Variants in SH3GLB1 observed in about 807,000 individuals in gnomAD.
The protein encoded by SH3GLB1 is SH3 domain containing GRB2 like, endophilin B1.
SH3GLB1 carries 17 observed loss-of-function variants against 42.0 expected under a neutral mutation model. The observed-to-expected ratio is 0.40, with a 90% CI of 0.28 to 0.61. The LOEUF (loss-of-function observed/expected upper bound fraction) is 0.61. Among genes scored for constraint, SH3GLB1 ranks in the 20% least tolerant of loss-of-function variants. SH3GLB1 has a pLI of 0.36. For synonymous variants in SH3GLB1, 132 were observed against 146.6 expected, an observed-to-expected ratio of 0.90 and a Z score of 0.72; for missense variants, 355 against 426.3, an observed-to-expected ratio of 0.83 and a Z score of 1.47.
At chr1:86,721,389 A>G (rs1318805087) in intron 3 of SH3GLB1, among the ~76,000 whole-genome samples, 1 of 152,192 alleles carries the variant, frequency 6.6e-6, no homozygotes, top group African/African-American at 2.4e-5. Flanking sequence ...CACAGCTAGT[A>G]TAGTAATTCA....
chr1:86,717,362 C>T (rs1054176148), intron 2 of SH3GLB1, among the ~76,000 whole-genome samples: 2 of 151,994 alleles, frequency 1.3e-5, no homozygotes, highest in Non-Finnish European at 2.9e-5. Flanking sequence ...CTGTTTTGTG[C>T]CAGGAAGTCG....
chr1:86,712,157 C>T (rs185379390), intron 1 of SH3GLB1, among the ~76,000 whole-genome samples: 14 of 152,086 alleles, frequency 9.2e-5, no homozygotes, highest in Middle Eastern at 3.4e-3. Context: ...AATATGATAG[C>T]ATTAGCAATG....
At chr1:86,722,436 T>C (rs1570264199) in intron 3 of SH3GLB1, 104 bp from the exon 4 acceptor site, 2 of 1,012,864 alleles carry the variant, frequency 2.0e-6, no homozygotes, top group Non-Finnish European at 2.8e-6. Context: ...AGCAAGCAAG[T>C]TACAGCTAAC....
In SH3GLB1 at chr1:86,743,347, A is replaced by C. The variant is rs1570305651; in HGVS notation, c.*112A>C. On this transcript the variant is annotated 3_prime_UTR_variant, in exon 9 of 9. Coordinates refer to ENST00000370558, the MANE Select transcript of SH3GLB1 (RefSeq NM_016009.5). ...GTTAATGTGTTAAGAGACTGAAAAT[A>C]CCAGCCATCAGAAACTGGCCTTTCT... The C allele has an allele frequency of 5.2e-6, 3 of 573,370 alleles. No individual in the cohort carries two copies. The allele number at this position is 573,370 out of a possible 1,614,324, so 35.5% of individuals were successfully genotyped here. A position where few individuals can be genotyped will look rare whatever the true frequency, so the allele number is the denominator to read the frequency against.
chr1:86,708,934 C>T (rs557646397), intron 1 of SH3GLB1, among the ~76,000 whole-genome samples: 1 of 152,206 alleles, frequency 6.6e-6, no homozygotes, highest in African/African-American at 2.4e-5. Context: ...TCCTGTCTGC[C>T]TATTCTTTCC....
chr1:86,710,328 G>A (rs1185621890), intron 1 of SH3GLB1, among the ~76,000 whole-genome samples: 5 of 150,988 alleles, frequency 3.3e-5, no homozygotes, highest in Admixed American at 2.0e-4. Flanking sequence ...GCAGTGGCAC[G>A]ATCTTGGCTC....
intron 1 of SH3GLB1, among the ~76,000 whole-genome samples, chr1:86,711,436 C>T: frequency 6.6e-6 from 1 of 151,972 alleles, no homozygotes; most frequent in East Asian, 1.9e-4. Flanking sequence ...TGCCATATTA[C>T]AAATGAAATA....
intron 5 of SH3GLB1, among the ~76,000 whole-genome samples, chr1:86,729,425 C>T (rs1655387421): frequency 6.6e-6 from 1 of 151,732 alleles, no homozygotes; most frequent in African/African-American, 2.4e-5. Flanking sequence ...TAGGGCTTAC[C>T]TTAGATAGCA....
At chr1:86,710,053 A>G (rs191822453) in intron 1 of SH3GLB1, among the ~76,000 whole-genome samples, 60 of 152,276 alleles carry the variant, frequency 3.9e-4, no homozygotes, top group African/African-American at 1.4e-3. Context: ...TCACATTCGA[A>G]ATCCATACAT....
In SH3GLB1 at chr1:86,747,240, A is replaced by T. The variant is rs1403286501; in HGVS notation, c.*4005A>T. On this transcript the variant is annotated 3_prime_UTR_variant, in exon 9 of 9. Transcript: ENST00000370558. ...GGCAGTTACATTCCCAACTCTTAGC[A>T]CAAGATCTAGGACATAGTATGAACT... 1 of 152,640 alleles carries T rather than the reference A, an allele frequency of 6.6e-6. No individual in the cohort carries two copies. Among genetic ancestry groups the T allele is most frequent in the Non-Finnish European group, 1.5e-5 (1 of 68,040 alleles). 9.5% of individuals were successfully genotyped at this position (152,640 alleles called of 1,614,324 possible). A position where few individuals can be genotyped will look rare whatever the true frequency, so the allele number is the denominator to read the frequency against.
chr1:86,726,628 A>AT (rs575246022), intron 5 of SH3GLB1, among the ~76,000 whole-genome samples: 96 of 152,104 alleles, frequency 6.3e-4, no homozygotes, highest in African/African-American at 2.3e-3. Flanking sequence ...GCCAAATACT[A>AT]TTTTTTTAGT....
At chr1:86,727,275 A>T (rs1490742447) in intron 5 of SH3GLB1, among the ~76,000 whole-genome samples, 1 of 152,012 alleles carries the variant, frequency 6.6e-6, no homozygotes, top group Non-Finnish European at 1.5e-5. Context: ...TGGTAAAGCA[A>T]CATCAAAGGC....
chr1:86,705,246 GT>G (rs1379583761), intron 1 of SH3GLB1, among the ~76,000 whole-genome samples: 1 of 152,154 alleles, frequency 6.6e-6, no homozygotes, highest in Non-Finnish European at 1.5e-5. Flanking sequence ...AGGCTGCACT[GT>G]CCGCCTTTCT....
chr1:86,705,339 A>G (rs1653789485), intron 1 of SH3GLB1, among the ~76,000 whole-genome samples: 1 of 152,040 alleles, frequency 6.6e-6, no homozygotes, highest in African/African-American at 2.4e-5. Flanking sequence ...ACCGAGACAC[A>G]GGCCATTCTT....
At chr1:86,705,376 T>A (rs1653796011) in intron 1 of SH3GLB1, among the ~76,000 whole-genome samples, 1 of 151,958 alleles carries the variant, frequency 6.6e-6, no homozygotes, top group Non-Finnish European at 1.5e-5. Flanking sequence ...TTTCCTTTCG[T>A]CTCTCACCCT....
rs561998053 is a variant in SH3GLB1, at chr1:86,705,634, A to T, written c.72+663A>T. ...GTAGATCAAGGAGAGATGCGGGGAT[A>T]TTGTTATGGCTGTAGTCACAGTAGT... On this transcript the variant is annotated intron_variant, in intron 1 of 8. Coordinates refer to ENST00000370558, the MANE Select transcript of SH3GLB1 (RefSeq NM_016009.5). Among the ~76,000 whole-genome samples, 15 of 152,300 alleles carry T rather than the reference A, an allele frequency of 9.8e-5. No homozygotes were observed. In the South Asian group the frequency reaches 3.1e-3, roughly 32 times the overall value.
Position 86,744,160 on chromosome 1 carries a change from T to G in SH3GLB1, c.*925T>G, listed in dbSNP as rs1022692614. On this transcript the variant is annotated 3_prime_UTR_variant, in exon 9 of 9. Transcript: ENST00000370558. ...AGCTTACTATTAAAACATTGAAAAT[T>G]TATTAATGAACACAGGCTATCTTGA... 2.6e-5 allele frequency: 4 copies of G among 152,190 alleles called. No homozygotes were observed. The highest frequency in any genetic ancestry group is 4.4e-5 in the Non-Finnish European group (3 of 68,030). 9.4% of individuals were successfully genotyped at this position (152,190 alleles called of 1,614,324 possible). A position where few individuals can be genotyped will look rare whatever the true frequency, so the allele number is the denominator to read the frequency against.
intron 5 of SH3GLB1, among the ~76,000 whole-genome samples, chr1:86,733,081 A>G (rs1203441806): frequency 6.6e-6 from 1 of 152,156 alleles, no homozygotes; most frequent in Non-Finnish European, 1.5e-5. Context: ...CCTTAGGAAG[A>G]ACATTGCTTC....
intron 3 of SH3GLB1, 127 bp from the exon 4 acceptor site, chr1:86,722,413 T>G (rs1654917701): frequency 1.4e-6 from 1 of 733,668 alleles, no homozygotes; most frequent in African/African-American, 1.8e-5. Context: ...TTAATTCTAT[T>G]TGGTTTTACT....
Sources: allele counts gnomAD v4.1 joint callset (sites outside exome capture counted in the v4.1 genomes callset), GRCh38; gene constraint gnomAD v4.1.1; transcripts MANE v1.5; gene names NCBI Gene and HGNC (gene_info 2026-07-23, HGNC 2026-07-21).